INSR: variants seen among roughly 807,000 people sequenced by gnomAD.
The protein encoded by INSR is IR.
A neutral mutation model predicts 142.6 loss-of-function variants in INSR; 67 were observed. The observed-to-expected ratio is 0.47, with a 90% CI of 0.39 to 0.58. The LOEUF is 0.58. Among genes scored for constraint, INSR ranks in the 20% least tolerant of loss-of-function variants. The pLI is 0.00. For synonymous variants in INSR, 756 were observed against 743.1 expected (o/e 1.02, Z -0.28); for missense variants, 1,248 against 1,833.2 (o/e 0.68, Z 5.83).
intron 12 of INSR, among the ~76,000 whole-genome samples, chr19:7,142,143 C>T (rs546153597): frequency 6.6e-6 from 1 of 151,982 alleles, no homozygotes; most frequent in South Asian, 2.1e-4. Flanking sequence ...TGGCTCATGC[C>T]TGTAATCCCA....
At chr19:7,233,493 CA>C (rs1235227628) in intron 2 of INSR, among the ~76,000 whole-genome samples, 1 of 151,992 alleles carries the variant, frequency 6.6e-6, no homozygotes, top group African/African-American at 2.4e-5. Context: ...CTTCTACAAG[CA>C]AGCCCTGACC....
chr19:7,215,969 C>T (rs114566422), intron 2 of INSR, among the ~76,000 whole-genome samples: 524 of 152,136 alleles, frequency 3.4e-3, no homozygotes, highest in African/African-American at 9.9e-3. Context: ...TGGGAAATTC[C>T]GACGGGAATT....
intron 2 of INSR, among the ~76,000 whole-genome samples, chr19:7,255,919 C>T (rs1976876784): frequency 6.6e-6 from 1 of 151,962 alleles, no homozygotes; most frequent in African/African-American, 2.4e-5. Flanking sequence ...CAAACCAAAG[C>T]ACATCTCTGC....
chr19:7,140,514 A>G (rs4804304), intron 13 of INSR, among the ~76,000 whole-genome samples: 2,815 of 152,306 alleles, frequency 0.018, 50 homozygotes, highest in African/African-American at 0.044. Flanking sequence ...TTCTGGATTG[A>G]AATATCAGTC....
At chr19:7,208,483 A>G (rs1201562656) in intron 2 of INSR, among the ~76,000 whole-genome samples, 5 of 152,250 alleles carry the variant, frequency 3.3e-5, no homozygotes, top group African/African-American at 1.2e-4. Context: ...TTTGCTTTAG[A>G]AAAATGGGAT....
At chr19:7,188,622 A>G (rs1974495280) in intron 2 of INSR, among the ~76,000 whole-genome samples, 3 of 151,690 alleles carry the variant, frequency 2.0e-5, no homozygotes, top group Admixed American at 2.0e-4. Context: ...TTGTAATCCC[A>G]GCACTTTGAG....
chr19:7,245,880 G>C (rs1393596251), intron 2 of INSR, among the ~76,000 whole-genome samples: 2 of 152,098 alleles, frequency 1.3e-5, no homozygotes, highest in African/African-American at 4.8e-5. Context: ...TATCCCAAAA[G>C]CAAATTCATG....
intron 2 of INSR, among the ~76,000 whole-genome samples, chr19:7,237,026 CAAA>C (rs111359523): frequency 3.3e-5 from 3 of 90,610 alleles, no homozygotes; most frequent in African/African-American, 3.9e-5. Context: ...GACTCTGTCT[CAAA>C]AAAAAAAAAA....
chr19:7,220,826 T>G (rs1975588744), intron 2 of INSR, among the ~76,000 whole-genome samples: 1 of 152,236 alleles, frequency 6.6e-6, no homozygotes, highest in South Asian at 2.1e-4. Context: ...TTTGAATATT[T>G]GTCCCCTCCA....
At chr19:7,268,288 C>G (rs191190823) in intron 1 of INSR, 8 of 264,006 alleles carry the variant, frequency 3.0e-5, no homozygotes, top group African/African-American at 4.8e-5. Context: ...ATAAAGGTGC[C>G]CGCGGTCAGA....
Position 7,150,379 on chromosome 19 carries a change from A to G in INSR, c.2267+118T>C, listed in dbSNP as rs1458261249. 1 of 856,816 alleles carries G rather than the reference A, an allele frequency of 1.2e-6. No homozygotes were observed. The highest frequency in any genetic ancestry group is 1.9e-6 in the Non-Finnish European group (1 of 516,132). 53.1% of individuals were successfully genotyped at this position (856,816 alleles called of 1,614,324 possible). On this transcript the variant is annotated intron_variant, in intron 11 of 21. Coordinates refer to ENST00000302850, the MANE Select transcript of INSR (RefSeq NM_000208.4). This position sits in a 1 kb window ranked among gnomAD's most constrained non-coding sequence, Gnocchi z 4.2. Reference sequence around the variant, plus strand: ...ATTGGTGAAGCATCTGCTCTCCAGCACAGCTGCCCGCCGCATGCAAAAAGC... The same window carrying G: ...ATTGGTGAAGCATCTGCTCTCCAGCGCAGCTGCCCGCCGCATGCAAAAAGC...
At chr19:7,222,543 G>T (rs1975653139) in intron 2 of INSR, among the ~76,000 whole-genome samples, 1 of 152,074 alleles carries the variant, frequency 6.6e-6, no homozygotes, top group Non-Finnish European at 1.5e-5. Flanking sequence ...ACAGCCATGG[G>T]CCACCACAGC....
At chr19:7,153,479 ACACACGCAC>A (rs1460307192) in intron 9 of INSR, among the ~76,000 whole-genome samples, 13 of 132,768 alleles carry the variant, frequency 9.8e-5, no homozygotes, top group East Asian at 4.0e-4. Context: ...CACACACACC[ACACACGCAC>A]CACACACACA....
At chr19:7,174,856 T>C (rs556475825) in intron 3 of INSR, 125 bp from the exon 4 acceptor site, 1 of 1,008,842 alleles carries the variant, frequency 9.9e-7, no homozygotes, top group Non-Finnish European at 1.5e-6. Flanking sequence ...TGTGTGTGTG[T>C]TTGTGTGACA....
intron 9 of INSR, among the ~76,000 whole-genome samples, chr19:7,158,869 G>T (rs912453421): frequency 1.3e-5 from 2 of 152,042 alleles, no homozygotes; most frequent in African/African-American, 4.8e-5. Flanking sequence ...GGAAAAATAA[G>T]CATCACATAA....
intron 2 of INSR, among the ~76,000 whole-genome samples, chr19:7,195,093 CTTG>C (rs1264309717): frequency 6.6e-6 from 1 of 152,062 alleles, no homozygotes; most frequent in Non-Finnish European, 1.5e-5. Flanking sequence ...AAGAGTAAAT[CTTG>C]TTGTGGGAAA....
rs148211277 is a variant in INSR, at chr19:7,212,413, C to T, written c.653-27776G>A. Reference sequence around the variant, plus strand: ...CCTGCGATTCCCGCTCAGCTCCCACCTAGCAGACACATGTTGAATCGAATG... The same window carrying T: ...CCTGCGATTCCCGCTCAGCTCCCACTTAGCAGACACATGTTGAATCGAATG... On this transcript the variant is annotated intron_variant, in intron 2 of 21. Coordinates refer to ENST00000302850, the MANE Select transcript of INSR (RefSeq NM_000208.4). Among the ~76,000 whole-genome samples, 670 of 152,260 alleles carry T rather than the reference C, an allele frequency of 4.4e-3. 2 individuals carry two copies. The highest frequency in any genetic ancestry group is 0.017 in the Middle Eastern group (5 of 294).
rs752875566 is a variant in INSR, at chr19:7,163,015, C to A, written c.2029+17G>T. 2.9e-5 allele frequency: 46 copies of A among 1,612,656 alleles called. No homozygotes were observed. Among genetic ancestry groups the A allele is most frequent in the Non-Finnish European group, 3.9e-5 (46 of 1,179,880 alleles). On this transcript the variant is annotated intron_variant, in intron 9 of 21. Transcript: ENST00000302850. ...TGTGCAAACCCCACCGATCCTAGCA[C>A]AGCTGCCTGCACTCACCTTTGAGGC...
At chr19:7,156,558 C>T (rs1049989923) in intron 9 of INSR, among the ~76,000 whole-genome samples, 1 of 152,058 alleles carries the variant, frequency 6.6e-6, no homozygotes, top group South Asian at 2.1e-4. Context: ...CTGCTGAGCA[C>T]CCTGAAGTGC....
Sources: gnomAD v4.1 joint callset for allele counts (sites outside exome capture counted in the v4.1 genomes callset) on GRCh38, gnomAD v4.1.1 for gene constraint, Gnocchi (gnomAD v3.1) non-coding constraint, MANE v1.5 for transcripts, NCBI Gene and HGNC (gene_info 2026-07-23, HGNC 2026-07-21) for gene names.